NHS: variants seen among roughly 807,000 people sequenced by gnomAD.
The protein encoded by NHS is actin remodeling regulator NHS.
Under a neutral mutation model 72.5 loss-of-function variants are expected in NHS, and 5 were observed. The observed-to-expected ratio is 0.07, with a 90% CI of 0.04 to 0.14. NHS has a LOEUF of 0.14. Among genes scored for constraint, NHS ranks in the 10% least tolerant of loss-of-function variants. NHS has a pLI of 1.00. For synonymous variants in NHS, 464 were observed against 547.7 expected (o/e 0.85, Z 2.13); for missense variants, 1,072 against 1,355.7 (o/e 0.79, Z 3.29).
chrX:17,719,938 CTCTT>C (rs1263536374), intron 4 of NHS, among the ~76,000 whole-genome samples: 2 of 111,250 alleles, frequency 1.8e-5, no homozygotes, highest in East Asian at 2.8e-4. Context: ...CTCATTCTCT[CTCTT>C]TGTCTCCCTC....
At chrX:17,556,577 C>T (rs2065374912) in intron 1 of NHS, among the ~76,000 whole-genome samples, 1 of 113,012 alleles carries the variant, frequency 8.8e-6, no homozygotes, top group African/African-American at 3.2e-5. Flanking sequence ...AAAGTAGTTA[C>T]TAGCATCATC....
intron 1 of NHS, among the ~76,000 whole-genome samples, chrX:17,657,275 G>A (rs2065961482): frequency 8.8e-6 from 1 of 113,026 alleles, no homozygotes; most frequent in South Asian, 3.6e-4. Context: ...CCGCCATGAT[G>A]GTGCACAGTG....
At chrX:17,647,805 C>T (rs1419627991) in intron 1 of NHS, among the ~76,000 whole-genome samples, 1 of 111,503 alleles carries the variant, frequency 9.0e-6, no homozygotes, top group African/African-American at 3.3e-5. Context: ...ATTCTTTCCC[C>T]CAAACCATAT....
intron 3 of NHS, among the ~76,000 whole-genome samples, chrX:17,703,979 A>G (rs1466010507): frequency 8.9e-6 from 1 of 111,848 alleles, no homozygotes; most frequent in East Asian, 2.9e-4. Flanking sequence ...CAGCAGGCAT[A>G]TGGCTATTTT....
Position 17,492,783 on chromosome X carries a change from G to A in NHS, c.565+116461G>A, listed in dbSNP as rs751941503. Among the ~76,000 whole-genome samples the A allele has an allele frequency of 4.5e-5, 5 of 111,787 alleles. No individual in the cohort carries two copies. In the East Asian group the frequency reaches 1.1e-3, roughly 25 times the overall value. ...TGTGGGAGTCTAAGTCTCTTTGTAG[G>A]TCTTTCTATTGGTGATGGAGTAACA... is the stretch of plus-strand genomic sequence containing the variant. On this transcript the variant is annotated intron_variant, in intron 1 of 8. Coordinates refer to ENST00000676302, the MANE Select transcript of NHS (RefSeq NM_001291867.2).
At chrX:17,605,521 A>T (rs2065674405) in intron 1 of NHS, among the ~76,000 whole-genome samples, 2 of 111,164 alleles carry the variant, frequency 1.8e-5, no homozygotes, top group Non-Finnish European at 3.8e-5. Context: ...GGTGGTGCCA[A>T]TCTTGATGCT....
Position 17,719,339 on chromosome X carries a change from C to G in NHS, c.853-5C>G, listed in dbSNP as rs780182767. On this transcript the variant is annotated splice_polypyrimidine_tract_variant and splice_region_variant and intron_variant, in intron 3 of 8. Transcript: ENST00000676302. ...TTTTTCTTTTTTTGCATTTCATGTT[C>G]ATAGTTTAACAGCACCCGTTCGCCC... 5 of 1,165,706 alleles carry G rather than the reference C, an allele frequency of 4.3e-6. No individual in the cohort carries two copies. The highest frequency in any genetic ancestry group is 5.7e-6 in the Non-Finnish European group (5 of 871,742).
At chrX:17,538,339 C>T (rs1415697057) in intron 1 of NHS, among the ~76,000 whole-genome samples, 6 of 111,357 alleles carry the variant, frequency 5.4e-5, no homozygotes, top group Non-Finnish European at 1.1e-4. Flanking sequence ...GCTCTTTGCT[C>T]AGGGGGGTCC....
chrX:17,540,250 C>T (rs1461941048), intron 1 of NHS, among the ~76,000 whole-genome samples: 2 of 111,668 alleles, frequency 1.8e-5, no homozygotes, highest in Non-Finnish European at 3.8e-5. Context: ...TTGCTGAGGA[C>T]TCCATCTCTC....
chrX:17,527,291 A>G (rs2065177663), intron 1 of NHS, among the ~76,000 whole-genome samples: 1 of 113,235 alleles, frequency 8.8e-6, no homozygotes, highest in South Asian at 3.6e-4. Flanking sequence ...GTTGCATGAT[A>G]AAGGTGGCAC....
At chrX:17,442,407 A>G (rs2064760258) in intron 1 of NHS, among the ~76,000 whole-genome samples, 1 of 112,304 alleles carries the variant, frequency 8.9e-6, no homozygotes, top group African/African-American at 3.2e-5. Flanking sequence ...TTTATGGGTC[A>G]GACCTAAAGG....
intron 1 of NHS, among the ~76,000 whole-genome samples, chrX:17,517,798 G>T (rs190745818): frequency 4.5e-5 from 5 of 111,971 alleles, no homozygotes; most frequent in African/African-American, 1.6e-4. Context: ...ATTTCATTTA[G>T]TTAGGCCCTT....
intron 1 of NHS, among the ~76,000 whole-genome samples, chrX:17,453,927 G>A (rs2064816065): frequency 8.9e-6 from 1 of 112,106 alleles, no homozygotes; most frequent in Admixed American, 9.5e-5. Flanking sequence ...AAGTAGAACA[G>A]TAACTTAAAG....
chrX:17,376,401 C>G, intron 1 of NHS, 79 bp downstream of exon 1: 1 of 935,686 alleles, frequency 1.1e-6, no homozygotes, highest in Non-Finnish European at 1.5e-6. Context: ...AGCGGCAATC[C>G]CAGCCCCGCG....
Position 17,430,075 on chromosome X carries a change from T to TTTCCTTCCTTCCTTCC in NHS, c.565+53780_565+53795dup, listed in dbSNP as rs749084714. Among the ~76,000 whole-genome samples, 34 of 96,185 alleles carry TTTCCTTCCTTCCTTCC rather than the reference T, an allele frequency of 3.5e-4. 1 individual carries two copies. The highest frequency in any genetic ancestry group is 1.4e-3 in the African/African-American group (31 of 22,160). 83.5% of individuals were successfully genotyped at this position (96,185 alleles called of 115,157 possible). A position where few individuals can be genotyped will look rare whatever the true frequency, so the allele number is the denominator to read the frequency against. The stretch of plus-strand genomic sequence containing the variant: ...CTCAGATTCAGATTATGCACATATT[T>TTTCCTTCCTTCCTTCC]TTCCTTCCTTCCTTCCTTCCTTCCT... On this transcript the variant is annotated intron_variant, in intron 1 of 8. Coordinates refer to ENST00000676302, the MANE Select transcript of NHS (RefSeq NM_001291867.2).
intron 1 of NHS, 99 bp downstream of exon 1, chrX:17,376,421 C>A: frequency 1.3e-6 from 1 of 788,709 alleles, no homozygotes; most frequent in Admixed American, 2.7e-5. Flanking sequence ...GGCGCCGCTC[C>A]GGTTGCAGCT....
chrX:17,715,746 T>TC (rs1213121035), intron 3 of NHS, among the ~76,000 whole-genome samples: 1 of 110,827 alleles, frequency 9.0e-6, no homozygotes, highest in Non-Finnish European at 1.9e-5. Context: ...TTCTCCCTCT[T>TC]CCCCCCTCTA....
At chrX:17,379,833 A>G (rs1455811429) in intron 1 of NHS, among the ~76,000 whole-genome samples, 3 of 112,233 alleles carry the variant, frequency 2.7e-5, no homozygotes, top group Admixed American at 9.4e-5. Context: ...GAAATGGGGA[A>G]GGCTAGTGGG....
intron 1 of NHS, among the ~76,000 whole-genome samples, chrX:17,609,307 G>C (rs2065697060): frequency 8.9e-6 from 1 of 112,054 alleles, no homozygotes; most frequent in South Asian, 3.8e-4. Flanking sequence ...GTTTTGACCT[G>C]GGGTATCAGA....
Sources: gnomAD v4.1 joint callset for allele counts (sites outside exome capture counted in the v4.1 genomes callset) on GRCh38, gnomAD v4.1.1 for gene constraint, MANE v1.5 for transcripts, NCBI Gene and HGNC (gene_info 2026-07-23, HGNC 2026-07-21) for gene names.